The following MANBA variants were observed in gnomAD, a reference collection of about 807,000 sequenced individuals.
MANBA encodes mannosidase beta, also known as beta-mannosidase.
Under a neutral mutation model 111.1 loss-of-function variants are expected in MANBA, and 83 were observed. The ratio of observed to expected loss-of-function variants is 0.75; its 90% CI spans 0.63 to 0.90. The LOEUF is 0.90. Ranked by LOEUF, MANBA falls within the 40% of genes least tolerant of loss-of-function variation. The probability of loss-of-function intolerance (pLI) is 0.00; values close to 1 mark genes in which losing one functional copy is unlikely to be tolerated. For missense variants in MANBA, 1,036 were observed against 1,069.0 expected, an observed-to-expected ratio of 0.97 and a Z score of 0.43; for synonymous variants, 370 against 378.7, an observed-to-expected ratio of 0.98 and a Z score of 0.27.
chr4:102,743,920 G>C (rs1488657129), intron 1 of MANBA, among the ~76,000 whole-genome samples: 1 of 152,160 alleles, frequency 6.6e-6, no homozygotes, highest in Non-Finnish European at 1.5e-5. Flanking sequence ...AGCTATGAGG[G>C]CCTCCCAGAG....
rs1365038697 is a variant in MANBA at position 102,698,657 on chromosome 4, A to C, written c.674-7886T>G. Among the ~76,000 whole-genome samples, 1,180 of 151,174 alleles carry C rather than the reference A, an allele frequency of 7.8e-3. 19 individuals carry two copies. The highest frequency in any genetic ancestry group is 0.027 in the African/African-American group (1,109 of 40,544). On this transcript the variant is annotated intron_variant, in intron 5 of 16. Coordinates refer to ENST00000647097, the MANE Select transcript of MANBA (RefSeq NM_005908.4). ...GTTTTTCTCAGGTTTGTCAAAGATC[A>C]GATAGTTGTAGATATACAGCGTTAT...
chr4:102,731,953 G>A (rs1468142393), intron 1 of MANBA, among the ~76,000 whole-genome samples: 1 of 151,700 alleles, frequency 6.6e-6, no homozygotes, highest in African/African-American at 2.4e-5. Context: ...TGTTGCCCAG[G>A]CTGGAGTGTA....
In MANBA at chr4:102,665,173, A is replaced by G. The variant is rs765034064; in HGVS notation, c.1318-321T>C. The G allele has an allele frequency of 1.5e-5, 4 of 260,302 alleles. No homozygotes were observed. The South Asian group carries it at 1.9e-4, about 12-fold the overall frequency. 16.1% of individuals were successfully genotyped at this position (260,302 alleles called of 1,614,324 possible). Reference sequence around the variant, plus strand: ...TAAACTCTTCACTCTGTGGATTGCCACAAAGAAAACTTTCAGGAAATACAA... The same window carrying G: ...TAAACTCTTCACTCTGTGGATTGCCGCAAAGAAAACTTTCAGGAAATACAA... On this transcript the variant is annotated intron_variant, in intron 10 of 16. Coordinates refer to ENST00000647097, the MANE Select transcript of MANBA (RefSeq NM_005908.4).
At position 102,671,323 on chromosome 4, in the gene MANBA, C is replaced by T. The variant is rs759271793; in HGVS notation, c.1188G>A (p.Glu396=). ...CACAGAGTTCATAGAATTCATCCTGCTCATAAATTCCTCCTCCCCAAACCC... is the reference window on the plus strand; with the variant it reads ...CACAGAGTTCATAGAATTCATCCTGTTCATAAATTCCTCCTCCCCAAACCC... The part of the protein sequence containing the change: ...TLRVWGGGIY[E]QDEFYELCDE... The change falls in exon 9 of 17, where the codon GAG becomes GAA. Residue 396 remains glutamate (E), a synonymous_variant. Coordinates refer to ENST00000647097, the MANE Select transcript of MANBA (RefSeq NM_005908.4). The T allele has an allele frequency of 2.5e-6, 4 of 1,603,350 alleles. No homozygotes were observed. Among genetic ancestry groups the T allele is most frequent in the Admixed American group, 1.7e-5 (1 of 59,998 alleles).
intron 1 of MANBA, among the ~76,000 whole-genome samples, chr4:102,746,331 A>T (rs1053993030): frequency 6.6e-6 from 1 of 152,172 alleles, no homozygotes; most frequent in Non-Finnish European, 1.5e-5. Context: ...TCACATGATA[A>T]GAGCTTGTGT....
chr4:102,683,799 T>A (rs1160862720), intron 7 of MANBA, among the ~76,000 whole-genome samples: 1 of 152,228 alleles, frequency 6.6e-6, no homozygotes, highest in East Asian at 1.9e-4. Flanking sequence ...ATTTATGATA[T>A]CCCAACATTT....
chr4:102,720,761 T>C (rs1722533731), intron 4 of MANBA, among the ~76,000 whole-genome samples: 1 of 152,184 alleles, frequency 6.6e-6, no homozygotes, highest in Non-Finnish European at 1.5e-5. Context: ...CTGAAAATTG[T>C]CAAAGCAATA....
At chr4:102,709,789 C>T (rs934455740) in intron 5 of MANBA, among the ~76,000 whole-genome samples, 1 of 152,120 alleles carries the variant, frequency 6.6e-6, no homozygotes, top group Admixed American at 6.6e-5. Context: ...CCAACTCCAA[C>T]AGTATATCAA....
chr4:102,675,054 C>A (rs1266775892), intron 7 of MANBA, among the ~76,000 whole-genome samples: 1 of 152,124 alleles, frequency 6.6e-6, no homozygotes, highest in Non-Finnish European at 1.5e-5. Flanking sequence ...TCTTGACACG[C>A]GATGATCACT....
chr4:102,674,659 C>T lies in MANBA; in HGVS notation c.961-589G>A, dbSNP rs763305683. 1.8e-4 allele frequency among the ~76,000 whole-genome samples: 28 copies of T among 152,194 alleles called. 1 individual carries two copies. Among genetic ancestry groups the T allele is most frequent in the Non-Finnish European group, 4.4e-5 (3 of 68,032 alleles). Reference sequence around the variant, plus strand: ...AATGGAAGTAGATGCAGCAGGACCACGCACTCTGTGCTATTGGTGCTCTGG... The same window carrying T: ...AATGGAAGTAGATGCAGCAGGACCATGCACTCTGTGCTATTGGTGCTCTGG... On this transcript the variant is annotated intron_variant, in intron 7 of 16. Coordinates refer to ENST00000647097, the MANE Select transcript of MANBA (RefSeq NM_005908.4).
At chr4:102,725,909 GT>G (rs1358208071) in intron 2 of MANBA, among the ~76,000 whole-genome samples, 7 of 152,114 alleles carry the variant, frequency 4.6e-5, no homozygotes, top group Non-Finnish European at 7.4e-5. Context: ...CAATGAAGCT[GT>G]TAGAATATAA....
intron 7 of MANBA, among the ~76,000 whole-genome samples, chr4:102,689,083 C>T (rs1338538577): frequency 6.6e-6 from 1 of 152,160 alleles, no homozygotes; most frequent in East Asian, 1.9e-4. Context: ...GGCGCAGTGG[C>T]TCACGCCCGT....
At chr4:102,722,653 G>A (rs1185542062) in intron 4 of MANBA, 4 of 562,758 alleles carry the variant, frequency 7.1e-6, no homozygotes, top group African/African-American at 1.9e-5. Context: ...CCTAAGTTCT[G>A]AACACGCTTC....
chr4:102,731,003 A>G (rs2110199436), intron 1 of MANBA, among the ~76,000 whole-genome samples: 1 of 152,234 alleles, frequency 6.6e-6, no homozygotes, highest in South Asian at 2.1e-4. Flanking sequence ...AATATGTACA[A>G]GTAGCCAATT....
At chr4:102,717,048 T>A (rs1442657257) in intron 4 of MANBA, among the ~76,000 whole-genome samples, 1 of 152,142 alleles carries the variant, frequency 6.6e-6, no homozygotes, top group Non-Finnish European at 1.5e-5. Flanking sequence ...TATTTGTAAT[T>A]TTTTCATTGG....
chr4:102,671,257 T>A, intron 9 of MANBA, 24 bp downstream of exon 9: 2 of 1,361,266 alleles, frequency 1.5e-6, no homozygotes, highest in Non-Finnish European at 2.1e-6. Flanking sequence ...CTTATCAATA[T>A]ATAAAATGCT....
chr4:102,689,418 A>G (rs977435151), intron 7 of MANBA, among the ~76,000 whole-genome samples, 156 bp downstream of exon 7: 2 of 150,800 alleles, frequency 1.3e-5, no homozygotes, highest in African/African-American at 2.4e-5. Flanking sequence ...ATACACACAC[A>G]GAGAGAGAAG....
chr4:102,672,261 G>A, intron 8 of MANBA: 3 of 392,280 alleles, frequency 7.6e-6, no homozygotes, highest in Non-Finnish European at 1.3e-5. Context: ...ATACTACAAT[G>A]CACATTTATA....
At chr4:102,729,536 G>A in intron 1 of MANBA, 2 of 878,584 alleles carry the variant, frequency 2.3e-6, no homozygotes, top group Non-Finnish European at 3.9e-6. Flanking sequence ...CCTTCCAGGT[G>A]AGACTCCAGC....
Sources: allele counts gnomAD v4.1 joint callset (sites outside exome capture counted in the v4.1 genomes callset), GRCh38; gene constraint gnomAD v4.1.1; transcripts MANE v1.5; gene names NCBI Gene and HGNC (gene_info 2026-07-23, HGNC 2026-07-21).